SLC9C1: variants seen among roughly 807,000 people sequenced by gnomAD.
SLC9C1 encodes the protein solute carrier family 9 member C1.
SLC9C1 carries 97 observed loss-of-function variants against 140.9 expected under a neutral mutation model. The ratio of observed to expected loss-of-function variants is 0.69; its 90% CI spans 0.58 to 0.82. The LOEUF is 0.82. Ranked by LOEUF, SLC9C1 falls within the 40% of genes least tolerant of loss-of-function variation. The pLI is 0.00. For missense variants in SLC9C1, 1,340 were observed against 1,389.3 expected (o/e 0.96, Z 0.56); for synonymous variants, 440 against 442.6 (o/e 0.99, Z 0.07).
rs2077193687 is a variant in SLC9C1 at position 112,168,982 on chromosome 3, A to G, written c.3132T>C (p.Tyr1044=). 6.8e-6 allele frequency: 11 copies of G among 1,612,246 alleles called. No homozygotes were observed. The African/African-American group carries it at 1.1e-4, about 16-fold the overall frequency. The part of the protein sequence containing the change: ...DIPMSTKTDI[Y]DENLIYVILI... ...GGATAACATAGATTAGATTTTCATC[A>G]TAAATATCAGTTTTGGTACTCATTG... Residue 1044 remains tyrosine, a synonymous_variant, in exon 25 of 29, where the codon TAT becomes TAC. Transcript: ENST00000305815.
At chr3:112,157,579 C>G (rs117210803) in intron 26 of SLC9C1, among the ~76,000 whole-genome samples, 57 of 151,562 alleles carry the variant, frequency 3.8e-4, no homozygotes, top group Middle Eastern at 3.2e-3. Context: ...TTTTGATAGG[C>G]CTTGCATTGG....
chr3:112,194,985 G>T (rs776407759), intron 20 of SLC9C1, among the ~76,000 whole-genome samples: 16 of 152,012 alleles, frequency 1.1e-4, no homozygotes, highest in Admixed American at 5.9e-4. Flanking sequence ...TTTGAATCAG[G>T]TTGTTTAGTT....
intron 7 of SLC9C1, among the ~76,000 whole-genome samples, chr3:112,267,161 A>C (rs12487206): frequency 0.59 from 89,881 of 151,870 alleles, 27,113 homozygotes; most frequent in East Asian, 0.79. Context: ...TGCCTGTAGT[A>C]CCAGCTACTT....
chr3:112,233,525 A>G (rs2078892805), intron 12 of SLC9C1, among the ~76,000 whole-genome samples: 1 of 152,078 alleles, frequency 6.6e-6, no homozygotes, highest in Non-Finnish European at 1.5e-5. Context: ...GTACATGTGC[A>G]CAATGTGCAA....
At chr3:112,150,958 C>G (rs868313870) in intron 28 of SLC9C1, among the ~76,000 whole-genome samples, 6 of 151,040 alleles carry the variant, frequency 4.0e-5, no homozygotes, top group Middle Eastern at 3.4e-3. Context: ...CTGCCTCAGC[C>G]CCCTGAGTAG....
At chr3:112,215,152 T>C (rs980368717) in intron 15 of SLC9C1, among the ~76,000 whole-genome samples, 38 of 138,458 alleles carry the variant, frequency 2.7e-4, no homozygotes, top group Admixed American at 6.2e-4. Context: ...TTCAACAAAA[T>C]TCAAAGCCCT....
chr3:112,206,932 C>G (rs1447801348), intron 16 of SLC9C1, among the ~76,000 whole-genome samples: 3 of 152,044 alleles, frequency 2.0e-5, no homozygotes, highest in African/African-American at 7.3e-5. Flanking sequence ...CAACATGGCA[C>G]ATGTTTACAT....
intron 20 of SLC9C1, among the ~76,000 whole-genome samples, chr3:112,182,891 C>T (rs1007565432): frequency 6.6e-6 from 1 of 152,128 alleles, no homozygotes; most frequent in African/African-American, 2.4e-5. Context: ...TTCATTTGCT[C>T]AACATTTTGT....
At chr3:112,264,081 C>G in intron 9 of SLC9C1, 119 bp downstream of exon 9, 1 of 478,162 alleles carries the variant, frequency 2.1e-6, no homozygotes, top group Non-Finnish European at 3.2e-6. Flanking sequence ...TGCTGATGAT[C>G]CTTGGAAAGT....
At chr3:112,231,164 CTT>C (rs1480932492) in intron 13 of SLC9C1, among the ~76,000 whole-genome samples, 195 bp downstream of exon 13, 11 of 135,334 alleles carry the variant, frequency 8.1e-5, no homozygotes, top group African/African-American at 3.2e-4. Flanking sequence ...CTTTCTTTCT[CTT>C]TCTTTCTTTT....
At chr3:112,165,217 A>G (rs1254168372) in intron 26 of SLC9C1, among the ~76,000 whole-genome samples, 2 of 151,776 alleles carry the variant, frequency 1.3e-5, no homozygotes, top group East Asian at 3.9e-4. Context: ...ATGGGTTCGA[A>G]CTTCCTCCTT....
At chr3:112,256,144 A>T (rs1412236328) in intron 10 of SLC9C1, among the ~76,000 whole-genome samples, 1 of 152,144 alleles carries the variant, frequency 6.6e-6, no homozygotes, top group Non-Finnish European at 1.5e-5. Flanking sequence ...ATTCTACCAG[A>T]TACACAAAGA....
chr3:112,233,904 A>G (rs2078906421), intron 12 of SLC9C1, among the ~76,000 whole-genome samples: 1 of 152,140 alleles, frequency 6.6e-6, no homozygotes, highest in African/African-American at 2.4e-5. Flanking sequence ...GGTTGGTTCC[A>G]AGTCTTTGCT....
At position 112,269,972 on chromosome 3, in the gene SLC9C1, T is replaced by A. The variant is rs1160330749; in HGVS notation, c.719A>T (p.Asp240Val). 6.2e-7 allele frequency: 1 copy of A among 1,600,136 alleles called. No homozygotes were observed. ...GATGAGACTTATATGATTGACATCA[T>A]CACCAAAAACAGTTGACATCCAAAA... ...IQFWMSTVFGDDVNHISLIFS... is the reference protein window; with the variant it reads ...IQFWMSTVFGVDVNHISLIFS... Residue 240 changes from aspartate (D) to valine (V), a missense_variant, in exon 7 of 29, where the codon GAT (aspartate) becomes GTT (valine). Physicochemically the swap from Asp to Val is radical, Grantham distance 152. Coordinates refer to ENST00000305815, the MANE Select transcript of SLC9C1 (RefSeq NM_183061.3).
At chr3:112,154,336 G>A (rs1172353052) in intron 27 of SLC9C1, among the ~76,000 whole-genome samples, 3 of 152,114 alleles carry the variant, frequency 2.0e-5, no homozygotes, top group Admixed American at 6.5e-5. Flanking sequence ...GTAGGATGAT[G>A]TAGATTTGGT....
intron 12 of SLC9C1, among the ~76,000 whole-genome samples, chr3:112,236,573 T>G (rs1271804569): frequency 7.0e-6 from 1 of 142,068 alleles, no homozygotes; most frequent in Non-Finnish European, 1.5e-5. Flanking sequence ...GGTGTCAATT[T>G]TAGATCTTTC....
In SLC9C1 at chr3:112,263,092, C is replaced by CTTCTTTTGTTT. The variant is rs2079822844; in HGVS notation, c.1028_1029insAAACAAAAGAA (p.Thr344AsnfsTer8). Reference sequence around the variant, plus strand: ...AAACAGGGCTTATTAAAAGAAGGGTCAGAAATCTAAAAGACAAAACAATTT... The same window carrying CTTCTTTTGTTT: ...AAACAGGGCTTATTAAAAGAAGGGTCTTCTTTTGTTTAGAAATCTAAAAGACAAAACAATTT... On this transcript the variant is annotated frameshift_variant, in exon 10 of 29. Coordinates refer to ENST00000305815, the MANE Select transcript of SLC9C1 (RefSeq NM_183061.3). LOFTEE classifies it high-confidence loss of function. 1 of 1,564,640 alleles carries CTTCTTTTGTTT rather than the reference C, an allele frequency of 6.4e-7. No homozygotes were observed. The highest frequency in any genetic ancestry group is 8.6e-7 in the Non-Finnish European group (1 of 1,163,530).
intron 14 of SLC9C1, among the ~76,000 whole-genome samples, chr3:112,219,482 A>G (rs1334161898): frequency 6.6e-6 from 1 of 152,246 alleles, no homozygotes; most frequent in Admixed American, 6.5e-5. Flanking sequence ...AATATATTCC[A>G]AAGTTTGCCT....
At chr3:112,202,654 A>G (rs1330189632) in intron 17 of SLC9C1, among the ~76,000 whole-genome samples, 1 of 151,982 alleles carries the variant, frequency 6.6e-6, no homozygotes, top group African/African-American at 2.4e-5. Flanking sequence ...TTTTCCTTAT[A>G]GAGAATTGGA....
Sources: gnomAD v4.1 joint callset for allele counts (sites outside exome capture counted in the v4.1 genomes callset) on GRCh38, gnomAD v4.1.1 for gene constraint, MANE v1.5 for transcripts, NCBI Gene and HGNC (gene_info 2026-07-23, HGNC 2026-07-21) for gene names.